CIMAP2: variants seen among roughly 807,000 people sequenced by gnomAD.
The protein encoded by CIMAP2 is ciliary microtubule associated protein 2, also known as ciliary microtubule-associated protein 2.
At chr1:54,813,588 A>G in the CIMAP2 span, among the ~76,000 whole-genome samples, 1 of 152,218 alleles carries the variant, frequency 6.6e-6, no homozygotes. Flanking sequence ...TGCATGGTGC[A>G]AGAGACTAAC....
chr1:54,811,765 G>GCCGGGGGGGGGGCGGCCCCGCCCCCC, the CIMAP2 span: 1 of 1,301,332 alleles, frequency 7.7e-7, no homozygotes, highest in Non-Finnish European at 1.1e-6. Flanking sequence ...GGTTCTGACA[G>GCCGGGGGGGGGGCGGCCCCGCCCCCC]CCTCCATGCC....
the CIMAP2 span, among the ~76,000 whole-genome samples, chr1:54,835,497 T>G: frequency 2.6e-5 from 4 of 152,108 alleles, no homozygotes; most frequent in Non-Finnish European, 5.9e-5. Context: ...CCAGACAAAG[T>G]GATTTTGTAT....
chr1:54,812,186 G>T, the CIMAP2 span: 1 of 1,614,062 alleles, frequency 6.2e-7, no homozygotes, highest in African/African-American at 1.3e-5. Context: ...ACTACTCCAT[G>T]CAGGTGTGTA....
the CIMAP2 span, chr1:54,817,040 G>C: frequency 3.7e-6 from 6 of 1,614,206 alleles, no homozygotes; most frequent in South Asian, 4.4e-5. Flanking sequence ...GGAGACAAAG[G>C]ACAGGCGGCA....
the CIMAP2 span, chr1:54,807,972 G>T: frequency 5.6e-6 from 9 of 1,604,494 alleles, no homozygotes; most frequent in Non-Finnish European, 7.7e-6. Context: ...CCCGGGGGCT[G>T]CTCAGCTCTG....
the CIMAP2 span, among the ~76,000 whole-genome samples, chr1:54,822,640 A>C: frequency 1.3e-5 from 2 of 152,270 alleles, no homozygotes; most frequent in South Asian, 2.1e-4. Context: ...AGTAGCTGGA[A>C]CTACAGGTGC....
the CIMAP2 span, among the ~76,000 whole-genome samples, chr1:54,831,076 A>G: frequency 6.6e-6 from 1 of 152,228 alleles, no homozygotes; most frequent in Non-Finnish European, 1.5e-5. Context: ...TGCTAGTATT[A>G]TATCTAAAAT....
chr1:54,806,214 G>A, the CIMAP2 span: 2 of 1,534,588 alleles, frequency 1.3e-6, no homozygotes, highest in African/African-American at 1.4e-5. Context: ...GGGGTGCAGA[G>A]CCACAGGTGG....
the CIMAP2 span, among the ~76,000 whole-genome samples, chr1:54,813,571 T>A: frequency 6.6e-6 from 1 of 152,126 alleles, no homozygotes; most frequent in South Asian, 2.1e-4. Context: ...CAGTAGGGTG[T>A]GGCAGGTGCA....
the CIMAP2 span, among the ~76,000 whole-genome samples, chr1:54,826,039 C>T: frequency 1.3e-5 from 2 of 152,154 alleles, no homozygotes; most frequent in African/African-American, 4.8e-5. Context: ...GTAGCATGGG[C>T]CTGTCTAAGG....
At chr1:54,817,828 A>AT in the CIMAP2 span, among the ~76,000 whole-genome samples, 2 of 151,914 alleles carry the variant, frequency 1.3e-5, no homozygotes, top group Non-Finnish European at 2.9e-5. Flanking sequence ...AGAATATTTT[A>AT]TTTTTTATCA....
chr1:54,825,986 G>C, the CIMAP2 span, among the ~76,000 whole-genome samples: 1 of 152,172 alleles, frequency 6.6e-6, no homozygotes, highest in African/African-American at 2.4e-5. Context: ...CTACGCCAAG[G>C]TCCCTGGACA....
the CIMAP2 span, among the ~76,000 whole-genome samples, chr1:54,820,140 CTCT>C: frequency 8.3e-6 from 1 of 120,718 alleles, no homozygotes; most frequent in Admixed American, 9.4e-5. Flanking sequence ...CTTTCTTTCT[CTCT>C]TTCTCCCTTC....
the CIMAP2 span, chr1:54,811,765 G>GCGGGGGGGGGGGCGCCCCCCCCC: frequency 7.7e-7 from 1 of 1,301,330 alleles, no homozygotes; most frequent in Non-Finnish European, 1.1e-6. Flanking sequence ...GGTTCTGACA[G>GCGGGGGGGGGGGCGCCCCCCCCC]CCTCCATGCC....
the CIMAP2 span, chr1:54,811,764 A>AGCGGGGGGGGGGG: frequency 1.8e-6 from 2 of 1,097,912 alleles, no homozygotes; most frequent in Non-Finnish European, 2.7e-6. Context: ...TGGTTCTGAC[A>AGCGGGGGGGGGGG]GCCTCCATGC....
At chr1:54,819,962 TTTTC>T in the CIMAP2 span, among the ~76,000 whole-genome samples, 53 of 120,712 alleles carry the variant, frequency 4.4e-4, no homozygotes, top group African/African-American at 1.1e-3. Flanking sequence ...TTTCTTTCTC[TTTTC>T]TTTCTTTCTT....
chr1:54,815,858 A>ACCC, the CIMAP2 span, among the ~76,000 whole-genome samples: 2 of 136,146 alleles, frequency 1.5e-5, no homozygotes, highest in Admixed American at 7.8e-5. Context: ...CCCCACCCCA[A>ACCC]TTTGATAGCC....
At chr1:54,839,350 C>T in the CIMAP2 span, among the ~76,000 whole-genome samples, 1 of 151,226 alleles carries the variant, frequency 6.6e-6, no homozygotes, top group Non-Finnish European at 1.5e-5. Context: ...TGAGAAGCCA[C>T]AGAATTTTTT....
At chr1:54,811,972 C>A in the CIMAP2 span, 2 of 1,614,114 alleles carry the variant, frequency 1.2e-6, no homozygotes, top group East Asian at 4.5e-5. Context: ...CCTTCCCGTC[C>A]TGCAGGGGCA....
Sources: gnomAD v4.1 joint callset for allele counts (sites outside exome capture counted in the v4.1 genomes callset) on GRCh38, gnomAD v4.1.1 for gene constraint, MANE v1.5 for transcripts, NCBI Gene and HGNC (gene_info 2026-07-23, HGNC 2026-07-21) for gene names.